LRRC32: variants seen among roughly 807,000 people sequenced by gnomAD.
LRRC32 encodes leucine rich repeat containing 32.
In LRRC32, 5 loss-of-function variants were observed where a neutral mutation model predicts 15.0. The ratio of observed to expected loss-of-function variants is 0.33; its 90% CI spans 0.17 to 0.70. The LOEUF is 0.70. LRRC32 is among the 30% of genes least tolerant of loss of function. The pLI, the probability that LRRC32 is intolerant of heterozygous loss-of-function variation, is 0.66. For synonymous variants in LRRC32, 391 were observed against 403.9 expected (o/e 0.97, Z 0.38); for missense variants, 803 against 854.2 (o/e 0.94, Z 0.75).
rs1251757869 is a variant in LRRC32, at chr11:76,665,857, G to T, written c.84+14C>A. On this transcript the variant is annotated intron_variant, in intron 2 of 2. Transcript: ENST00000260061. ...TGGGGGTGGTCCTCACCCTGTCTGG[G>T]CAGAGCATCTTACCATCTTACAGGG... The T allele has an allele frequency of 1.2e-6, 2 of 1,613,976 alleles. No individual in the cohort carries two copies. The highest frequency in any genetic ancestry group is 8.5e-7 in the Non-Finnish European group (1 of 1,179,920).
At chr11:76,669,364 TGTGTGTGTGTGTGTGTGTGTGTGA>T (rs2120119697) in intron 1 of LRRC32, among the ~76,000 whole-genome samples, 1 of 146,060 alleles carries the variant, frequency 6.8e-6, no homozygotes, top group Non-Finnish European at 1.5e-5. Flanking sequence ...TGTGTGTGTG[TGTGTGTGTGTGTGTGTGTGTGTGA>T]GAGAGAGAGA....
chr11:76,667,937 A>G (rs1952651559), intron 1 of LRRC32, among the ~76,000 whole-genome samples: 1 of 152,260 alleles, frequency 6.6e-6, no homozygotes, highest in Non-Finnish European at 1.5e-5. Context: ...ATGGGCCAAG[A>G]GGCCTTCTTT....
At chr11:76,670,541 T>C (rs1288646747) in intron 1 of LRRC32, 73 bp downstream of exon 1, 2 of 151,998 alleles carry the variant, frequency 1.3e-5, no homozygotes, top group Non-Finnish European at 2.9e-5. Flanking sequence ...AGCCCCCGCC[T>C]TGCGCTCGCT....
chr11:76,668,511 T>C (rs979906412), intron 1 of LRRC32, among the ~76,000 whole-genome samples: 2 of 152,306 alleles, frequency 1.3e-5, no homozygotes, highest in Admixed American at 6.5e-5. Context: ...ACATTCCAGC[T>C]TTCCTGCTGT....
At chr11:76,665,991 T>C in intron 1 of LRRC32, 33 bp from the exon 2 acceptor site, 4 of 1,596,720 alleles carry the variant, frequency 2.5e-6, no homozygotes, top group Non-Finnish European at 3.4e-6. Flanking sequence ...GGGAACACTG[T>C]AAGCCCACTG....
intron 1 of LRRC32, among the ~76,000 whole-genome samples, chr11:76,667,758 C>A (rs1346916724): frequency 6.6e-6 from 1 of 152,266 alleles, no homozygotes; most frequent in Non-Finnish European, 1.5e-5. Context: ...CCCTGCCTGG[C>A]CAGCTCTGCT....
Position 76,660,877 on chromosome 11 carries a change from G to T in LRRC32, c.716C>A (p.Pro239His). The T allele has an allele frequency of 6.2e-7, 1 of 1,614,212 alleles. No homozygotes were observed. The highest frequency in any genetic ancestry group is 8.5e-7 in the Non-Finnish European group (1 of 1,180,030). ...SIEAFQTASQ[P>H]QAEFQLTWLD... ...CCAGGTGAGCTGGAACTCAGCCTGG[G>T]GCTGGGAGGCCGTCTGAAAGGCCTC... Residue 239 changes from proline (P) to histidine (H), a missense_variant, in exon 3 of 3, where the codon CCC (proline) becomes CAC (histidine). Coordinates refer to ENST00000260061, the MANE Select transcript of LRRC32 (RefSeq NM_001128922.2).
At position 76,659,857 on chromosome 11, in the gene LRRC32, C is replaced by G. The variant is rs1952480699; in HGVS notation, c.1736G>C (p.Gly579Ala). ...QGNPLSCCGN[G>A]WLAAQLHQGR... Reference sequence around the variant, plus strand: ...CTGGTGCAGCTGGGCTGCCAGCCAGCCATTGCCGCAGCAGCTGAGTGGATT... The same window carrying G: ...CTGGTGCAGCTGGGCTGCCAGCCAGGCATTGCCGCAGCAGCTGAGTGGATT... The change falls in exon 3 of 3, where the codon GGC (glycine) becomes GCC (alanine). Residue 579 changes from glycine to alanine, a missense_variant. Coordinates refer to ENST00000260061, the MANE Select transcript of LRRC32 (RefSeq NM_001128922.2). The G allele has an allele frequency of 6.2e-7, 1 of 1,613,934 alleles. No homozygotes were observed. The highest frequency in any genetic ancestry group is 1.3e-5 in the African/African-American group (1 of 74,950).
rs1163330112 is a variant in LRRC32 at position 76,660,754 on chromosome 11, G to A, written c.839C>T (p.Pro280Leu). The change falls in exon 3 of 3, where the codon CCC (proline) becomes CTC (leucine). Residue 280 changes from proline to leucine, a missense_variant. Physicochemically the swap from Pro to Leu is moderately conservative, Grantham distance 98. Coordinates refer to ENST00000260061, the MANE Select transcript of LRRC32 (RefSeq NM_001128922.2). Reference sequence around the variant, plus strand: ...CTTGCTGTCCTGGGGTGGCCCTGTGGGGAGCCGGATGAGGTTGTTGGACAA... The same window carrying A: ...CTTGCTGTCCTGGGGTGGCCCTGTGAGGAGCCGGATGAGGTTGTTGGACAA... ...LNLSNNLIRLPTGPPQDSKGI... is the reference protein window; with the variant it reads ...LNLSNNLIRLLTGPPQDSKGI... The A allele has an allele frequency of 8.1e-6, 13 of 1,614,036 alleles. No individual in the cohort carries two copies. In the East Asian group the frequency reaches 2.9e-4, roughly 36 times the overall value.
intron 2 of LRRC32, 155 bp downstream of exon 2, chr11:76,665,716 G>A (rs962871198): frequency 1.7e-6 from 1 of 596,252 alleles, no homozygotes; most frequent in African/African-American, 2.0e-5. Context: ...TAAATAAGGT[G>A]TTTAAACATT....
In LRRC32 at chr11:76,661,147, G is replaced by T. The variant is rs914422479; in HGVS notation, c.446C>A (p.Pro149His). The T allele has an allele frequency of 1.9e-6, 3 of 1,613,854 alleles. No individual in the cohort carries two copies. In the South Asian group the frequency reaches 3.3e-5, roughly 18 times the overall value. The change falls in exon 3 of 3, where the codon CCC (proline) becomes CAC (histidine). Residue 149 changes from proline (P) to histidine (H), a missense_variant. Pro to His is a moderately conservative substitution (Grantham distance 77). Coordinates refer to ENST00000260061, the MANE Select transcript of LRRC32 (RefSeq NM_001128922.2). ...GLLERLLGEAPSLHTLSLAEN... is the reference protein window; with the variant it reads ...GLLERLLGEAHSLHTLSLAEN... Reference sequence around the variant, plus strand: ...CGCCAGTGAGAGGGTATGCAGGCTGGGTGCCTCCCCCAGCAGCCGCTCCAG... The same window carrying T: ...CGCCAGTGAGAGGGTATGCAGGCTGTGTGCCTCCCCCAGCAGCCGCTCCAG...
chr11:76,667,035 G>A (rs574011066), intron 1 of LRRC32, among the ~76,000 whole-genome samples: 2 of 152,170 alleles, frequency 1.3e-5, no homozygotes, highest in Admixed American at 6.5e-5. Flanking sequence ...CTTACAAGTC[G>A]CTTCACCTCT....
chr11:76,661,255 G>C lies in LRRC32; in HGVS notation c.338C>G (p.Thr113Ser). 1 of 1,614,064 alleles carries C rather than the reference G, an allele frequency of 6.2e-7. No individual in the cohort carries two copies. The highest frequency in any genetic ancestry group is 8.5e-7 in the Non-Finnish European group (1 of 1,179,948). ...GCCCAGGCCACCAGCACTCAGCGCA[G>C]TGGCCATCGCCAGCCGGTTGTGAGC... ...SLAHNRLAMA[T>S]ALSAGGLGPL... is the part of the protein sequence containing the mutation. The change falls in exon 3 of 3, where the codon ACT becomes AGT. Residue 113 changes from threonine (T) to serine (S), a missense_variant. Thr to Ser is a moderately conservative substitution (Grantham distance 58). Transcript: ENST00000260061.
chr11:76,660,707 C>G lies in LRRC32; in HGVS notation c.886G>C (p.Gly296Arg). The stretch of plus-strand genomic sequence containing the variant: ...GCTGAGAGGGGCAGGGCTGACCAGC[C>G]CTCGGAAGGTGCGTGGATGCCCTTG... ...DSKGIHAPSE[G>R]WSALPLSAPS... Residue 296 changes from glycine to arginine, a missense_variant, in exon 3 of 3, where the codon GGC becomes CGC. Physicochemically the swap from Gly to Arg is moderately radical, Grantham distance 125. Coordinates refer to ENST00000260061, the MANE Select transcript of LRRC32 (RefSeq NM_001128922.2). 1 of 1,614,008 alleles carries G rather than the reference C, an allele frequency of 6.2e-7. No individual in the cohort carries two copies.
At chr11:76,667,494 T>C (rs1952644451) in intron 1 of LRRC32, among the ~76,000 whole-genome samples, 1 of 152,208 alleles carries the variant, frequency 6.6e-6, no homozygotes, top group Non-Finnish European at 1.5e-5. Flanking sequence ...AGATGGCTGC[T>C]CTGAATCCCA....
At position 76,660,020 on chromosome 11, in the gene LRRC32, G is replaced by C. The variant is rs776562547; in HGVS notation, c.1573C>G (p.Arg525Gly). Residue 525 changes from arginine to glycine, a missense_variant, in exon 3 of 3, where the codon CGC becomes GGC. Transcript: ENST00000260061. ...CLKRLNLAEN[R>G]LSHLPAWTQA... The stretch of plus-strand genomic sequence containing the variant: ...GTCCAGGCGGGAAGGTGGCTCAGGC[G>C]GTTCTCGGCAAGATTGAGCCGCTTG... 3 of 1,614,130 alleles carry C rather than the reference G, an allele frequency of 1.9e-6. No homozygotes were observed. Among genetic ancestry groups the C allele is most frequent in the South Asian group, 2.2e-5 (2 of 91,086 alleles).
At position 76,660,849 on chromosome 11, in the gene LRRC32, A is replaced by G. The variant is rs1473296562; in HGVS notation, c.744T>C (p.Leu248=). The G allele has an allele frequency of 6.2e-7, 1 of 1,614,172 alleles. No individual in the cohort carries two copies. Among genetic ancestry groups the G allele is most frequent in the Non-Finnish European group, 8.5e-7 (1 of 1,180,036 alleles). Residue 248 remains leucine (L), a synonymous_variant, in exon 3 of 3, where the codon CTT becomes CTC. Transcript: ENST00000260061. ...QPQAEFQLTW[L]DLRENKLLHF... is the part of the protein sequence containing the mutation. ...GGAGCAGTTTGTTCTCCCGCAGGTC[A>G]AGCCAGGTGAGCTGGAACTCAGCCT...
At chr11:76,665,351 C>T (rs1359383251) in intron 2 of LRRC32, among the ~76,000 whole-genome samples, 2 of 152,074 alleles carry the variant, frequency 1.3e-5, no homozygotes, top group East Asian at 1.9e-4. Flanking sequence ...CTGGGAGGGG[C>T]TGGGGAGGCT....
At chr11:76,666,999 T>A (rs1952636454) in intron 1 of LRRC32, among the ~76,000 whole-genome samples, 1 of 152,194 alleles carries the variant, frequency 6.6e-6, no homozygotes, top group South Asian at 2.1e-4. Flanking sequence ...CTCCCTCTTG[T>A]CTCCTCTACC....
Sources: allele counts gnomAD v4.1 joint callset (sites outside exome capture counted in the v4.1 genomes callset), GRCh38; gene constraint gnomAD v4.1.1; transcripts MANE v1.5; gene names NCBI Gene and HGNC (gene_info 2026-07-23, HGNC 2026-07-21).